Variants in ANGPT4 observed in about 807,000 individuals in gnomAD.
The protein encoded by ANGPT4 is angiopoietin-4.
In ANGPT4, 50 loss-of-function variants were observed where a neutral mutation model predicts 53.0. That is an observed-to-expected ratio of 0.94 (90% confidence interval 0.75 to 1.20). ANGPT4 has a LOEUF of 1.20. Ranked by LOEUF, ANGPT4 falls within the 50% of genes most tolerant of loss-of-function variation. ANGPT4 has a pLI of 0.00. For missense variants in ANGPT4, 648 were observed against 637.1 expected (o/e 1.02, Z -0.18); for synonymous variants, 251 against 259.7 (o/e 0.97, Z 0.32).
At chr20:883,512 T>G (rs907879637) in intron 4 of ANGPT4, among the ~76,000 whole-genome samples, 1 of 152,208 alleles carries the variant, frequency 6.6e-6, no homozygotes, top group Non-Finnish European at 1.5e-5. Context: ...CTGGTTCCTG[T>G]GCCCCATCTC....
At chr20:898,255 CCTT>C (rs1454682451) in intron 1 of ANGPT4, among the ~76,000 whole-genome samples, 1 of 152,126 alleles carries the variant, frequency 6.6e-6, no homozygotes, top group Non-Finnish European at 1.5e-5. Flanking sequence ...ACCCTATAAT[CCTT>C]CTATCACCTC....
At chr20:881,310 C>A in intron 4 of ANGPT4, 24 bp from the exon 5 acceptor site, 1 of 1,607,540 alleles carries the variant, frequency 6.2e-7, no homozygotes, top group Admixed American at 1.7e-5. Context: ...ACACAAAAGT[C>A]AGTTGGAGGT....
At chr20:878,403 C>T (rs910727621) in intron 6 of ANGPT4, 76 bp from the exon 7 acceptor site, 20 of 1,425,842 alleles carry the variant, frequency 1.4e-5, no homozygotes, top group Non-Finnish European at 1.8e-5. Flanking sequence ...CTGGGCTGGG[C>T]CAGGCTCCAG....
Position 870,778 on chromosome 20 carries a change from G to A in ANGPT4, c.*2182C>T, listed in dbSNP as rs1980910406. 6.6e-6 allele frequency: 1 copy of A among 152,188 alleles called. No homozygotes were observed. Among genetic ancestry groups the A allele is most frequent in the South Asian group, 2.1e-4 (1 of 4,832 alleles). 9.4% of individuals were successfully genotyped at this position (152,188 alleles called of 1,614,324 possible). On this transcript the variant is annotated 3_prime_UTR_variant, in exon 9 of 9. Transcript: ENST00000381922. ...TTTCCTCACCTGAGTGCAGGAGAAG[G>A]GGCGGCATGTGCTGGGGAATGCCTT... is the stretch of plus-strand genomic sequence containing the variant.
Position 908,517 on chromosome 20 carries a change from G to A in ANGPT4, c.309+7389C>T, listed in dbSNP as rs982424408. On this transcript the variant is annotated intron_variant, in intron 1 of 8. Coordinates refer to ENST00000381922, the MANE Select transcript of ANGPT4 (RefSeq NM_015985.4). The surrounding 1 kb of genome is among the most constrained non-coding windows in gnomAD (Gnocchi z 4.9). ...CCATTATCCACCCCTAGCATCTCTCGGTCCCTCCTTCATGGCACATATCAT... is the reference window on the plus strand; with the variant it reads ...CCATTATCCACCCCTAGCATCTCTCAGTCCCTCCTTCATGGCACATATCAT... Among the ~76,000 whole-genome samples, 7 of 152,114 alleles carry A rather than the reference G, an allele frequency of 4.6e-5. No homozygotes were observed. Among genetic ancestry groups the A allele is most frequent in the South Asian group, 2.1e-4 (1 of 4,812 alleles).
At chr20:881,047 C>T in intron 5 of ANGPT4, 124 bp downstream of exon 5, 1 of 763,750 alleles carries the variant, frequency 1.3e-6, no homozygotes. Flanking sequence ...TCAAAGCCAC[C>T]CCTACACCTC....
intron 3 of ANGPT4, among the ~76,000 whole-genome samples, chr20:887,126 A>G (rs1167211341): frequency 1.3e-5 from 2 of 152,212 alleles, no homozygotes; most frequent in African/African-American, 4.8e-5. Flanking sequence ...CTGTATATCC[A>G]CTTGTGCCAA....
chr20:890,091 C>A (rs1401234348), intron 2 of ANGPT4, 122 bp downstream of exon 2: 1 of 1,234,318 alleles, frequency 8.1e-7, no homozygotes, highest in African/African-American at 1.5e-5. Flanking sequence ...ACCCGGGGGG[C>A]TACAGGCCCA....
intron 4 of ANGPT4, 89 bp from the exon 5 acceptor site, chr20:881,375 G>T: frequency 2.5e-6 from 3 of 1,221,052 alleles, no homozygotes; most frequent in Non-Finnish European, 3.6e-6. Flanking sequence ...TTTGTGCCAG[G>T]TTCTGGGTTG....
At chr20:905,133 C>T (rs915268604) in intron 1 of ANGPT4, among the ~76,000 whole-genome samples, 16 of 152,166 alleles carry the variant, frequency 1.1e-4, no homozygotes, top group Non-Finnish European at 2.4e-4. Flanking sequence ...ATGTCACCTC[C>T]TCTGAGAAGC....
intron 1 of ANGPT4, among the ~76,000 whole-genome samples, chr20:905,537 A>T (rs1395614546): frequency 6.6e-6 from 1 of 152,088 alleles, no homozygotes; most frequent in Non-Finnish European, 1.5e-5. Context: ...CAGAGAGCTA[A>T]CTGGTGCCAG....
intron 4 of ANGPT4, among the ~76,000 whole-genome samples, chr20:882,905 A>T (rs1248461198): frequency 2.6e-5 from 4 of 152,188 alleles, no homozygotes; most frequent in Middle Eastern, 3.2e-3. Flanking sequence ...GGCCAGGAAA[A>T]ATATTTTTGG....
intron 1 of ANGPT4, among the ~76,000 whole-genome samples, chr20:900,450 G>A (rs6039124): frequency 0.082 from 12,487 of 151,968 alleles, 614 homozygotes; most frequent in African/African-American, 0.14. Flanking sequence ...GTTTTGCCTC[G>A]CACAAGGTCT....
At chr20:899,609 T>C (rs1382019908) in intron 1 of ANGPT4, among the ~76,000 whole-genome samples, 1 of 152,110 alleles carries the variant, frequency 6.6e-6, no homozygotes, top group Non-Finnish European at 1.5e-5. Context: ...CCCAGTACCC[T>C]TATTAGGCCA....
At chr20:896,035 T>C (rs777148675) in intron 1 of ANGPT4, among the ~76,000 whole-genome samples, 3 of 152,146 alleles carry the variant, frequency 2.0e-5, no homozygotes, top group African/African-American at 4.8e-5. Context: ...AGGGTAGATT[T>C]TGCTGTACGT....
At chr20:890,425 C>T (rs981949928) in intron 1 of ANGPT4, 57 bp from the exon 2 acceptor site, 4 of 1,519,014 alleles carry the variant, frequency 2.6e-6, no homozygotes, top group Non-Finnish European at 3.6e-6. Flanking sequence ...CCCCCTGTCC[C>T]TCCCACGTGT....
At chr20:882,466 A>G (rs752726501) in intron 4 of ANGPT4, among the ~76,000 whole-genome samples, 3 of 152,094 alleles carry the variant, frequency 2.0e-5, no homozygotes, top group Non-Finnish European at 4.4e-5. Context: ...AACTTCAGGG[A>G]TCCCAGATCC....
Position 890,406 on chromosome 20 carries a change from C to T in ANGPT4, c.310-38G>A, listed in dbSNP as rs200194275. On this transcript the variant is annotated intron_variant, in intron 1 of 8. Coordinates refer to ENST00000381922, the MANE Select transcript of ANGPT4 (RefSeq NM_015985.4). Reference sequence around the variant, plus strand: ...ATGGGCTGGGGTCACGGGGGAGGGGCGGGGGAAGCCCCCTGTCCCTCCCAC... The same window carrying T: ...ATGGGCTGGGGTCACGGGGGAGGGGTGGGGGAAGCCCCCTGTCCCTCCCAC... The T allele has an allele frequency of 1.7e-4, 143 of 841,068 alleles. 1 individual carries two copies. The East Asian group carries it at 4.2e-3, about 25-fold the overall frequency. The allele number at this position is 841,068 out of a possible 1,614,324, so 52.1% of individuals were successfully genotyped here.
intron 1 of ANGPT4, among the ~76,000 whole-genome samples, chr20:894,335 A>G (rs1981963335): frequency 6.6e-6 from 1 of 152,212 alleles, no homozygotes; most frequent in Admixed American, 6.5e-5. Flanking sequence ...TCTCAACAGG[A>G]AAACCCAAGT....
Sources: gnomAD v4.1 joint callset for allele counts (sites outside exome capture counted in the v4.1 genomes callset) on GRCh38, gnomAD v4.1.1 for gene constraint, Gnocchi (gnomAD v3.1) non-coding constraint, MANE v1.5 for transcripts, NCBI Gene and HGNC (gene_info 2026-07-23, HGNC 2026-07-21) for gene names.